Variants in FRMPD4 observed in about 807,000 individuals in gnomAD.
FRMPD4 encodes FERM and PDZ domain containing 4.
A neutral mutation model predicts 94.1 loss-of-function variants in FRMPD4; 22 were observed. That is an observed-to-expected ratio of 0.23 (90% CI 0.17 to 0.33). The LOEUF is 0.33. Ranked by LOEUF, FRMPD4 falls within the 10% of genes least tolerant of loss-of-function variation. The probability of loss-of-function intolerance (pLI) is 1.00; values close to 1 mark genes in which losing one functional copy is unlikely to be tolerated. For synonymous variants in FRMPD4, 631 were observed against 548.6 expected (o/e 1.15, Z -2.10); for missense variants, 1,111 against 1,339.9 (o/e 0.83, Z 2.67).
chrX:11,985,661 A>G (rs186861301), intron 3 of FRMPD4, among the ~76,000 whole-genome samples: 149 of 112,193 alleles, frequency 1.3e-3, no homozygotes, highest in African/African-American at 4.7e-3. Context: ...AAAGGATCCC[A>G]CTGCCCTGAA....
At chrX:12,530,539 C>T (rs1215710856) in intron 2 of FRMPD4, among the ~76,000 whole-genome samples, 1 of 110,553 alleles carries the variant, frequency 9.0e-6, no homozygotes, top group Non-Finnish European at 1.9e-5. Flanking sequence ...GATAATATTT[C>T]AAGGAGAATT....
intron 1 of FRMPD4, among the ~76,000 whole-genome samples, chrX:12,497,091 G>T (rs1407177034): frequency 3.6e-5 from 4 of 111,366 alleles, no homozygotes; most frequent in South Asian, 3.9e-4. Flanking sequence ...GAAAAGGAAA[G>T]GAAAGGAAGA....
chrX:12,527,012 C>T (rs1181201947), intron 2 of FRMPD4, among the ~76,000 whole-genome samples: 2 of 111,688 alleles, frequency 1.8e-5, no homozygotes, highest in East Asian at 5.6e-4. Flanking sequence ...TACAGTCTGT[C>T]TTCATCTGCT....
intron 1 of FRMPD4, among the ~76,000 whole-genome samples, chrX:12,385,575 C>T (rs762720716): frequency 3.6e-5 from 4 of 112,147 alleles, no homozygotes; most frequent in Non-Finnish European, 7.5e-5. Context: ...AAATCATTCC[C>T]GAGTGGAAAC....
intron 2 of FRMPD4, among the ~76,000 whole-genome samples, chrX:12,520,129 A>G (rs2058145657): frequency 8.9e-6 from 1 of 112,445 alleles, no homozygotes; most frequent in Non-Finnish European, 1.9e-5. Context: ...ACAATAGCCA[A>G]GAGGTAGAAG....
chrX:12,006,756 A>G (rs908861636), intron 3 of FRMPD4, among the ~76,000 whole-genome samples: 5 of 111,929 alleles, frequency 4.5e-5, no homozygotes, highest in African/African-American at 6.5e-5. Flanking sequence ...AGATTTTCGT[A>G]AAAGGATATA....
intron 1 of FRMPD4, among the ~76,000 whole-genome samples, chrX:12,468,429 G>C (rs1439645943): frequency 1.8e-5 from 2 of 111,731 alleles, no homozygotes; most frequent in African/African-American, 6.5e-5. Context: ...AGGAACATGT[G>C]AGGAGGTGTC....
At chrX:12,481,817 C>T (rs2057684822) in intron 1 of FRMPD4, among the ~76,000 whole-genome samples, 1 of 104,837 alleles carries the variant, frequency 9.5e-6, no homozygotes, top group East Asian at 3.0e-4. Flanking sequence ...TGGCGTACAC[C>T]TGTAGTCCCA....
chrX:12,029,518 GTTGTA>G (rs1198764533), intron 3 of FRMPD4, among the ~76,000 whole-genome samples: 1 of 111,573 alleles, frequency 9.0e-6, no homozygotes, highest in Non-Finnish European at 1.9e-5. Context: ...TGCCTTTAGT[GTTGTA>G]TCTAAGAAGT....
At chrX:12,275,998 T>A (rs1048383797) in intron 1 of FRMPD4, among the ~76,000 whole-genome samples, 6 of 111,775 alleles carry the variant, frequency 5.4e-5, no homozygotes. Flanking sequence ...TCAGGATCCA[T>A]GTCTTGTCCT....
chrX:12,349,291 C>A (rs954276854), intron 1 of FRMPD4, among the ~76,000 whole-genome samples: 1 of 110,727 alleles, frequency 9.0e-6, no homozygotes, highest in Non-Finnish European at 1.9e-5. Context: ...AGATCTCCCC[C>A]ACAAACCATA....
chrX:12,193,215 T>A (rs2056511283), intron 1 of FRMPD4, among the ~76,000 whole-genome samples: 1 of 111,414 alleles, frequency 9.0e-6, no homozygotes, highest in Non-Finnish European at 1.9e-5. Context: ...GATGGCTTTC[T>A]AAATTGTGCT....
chrX:11,995,945 C>A (rs1184447652), intron 3 of FRMPD4, among the ~76,000 whole-genome samples: 2 of 111,866 alleles, frequency 1.8e-5, no homozygotes, highest in African/African-American at 6.5e-5. Context: ...GGTCTTCAAG[C>A]AAATTTCACA....
intron 14 of FRMPD4, among the ~76,000 whole-genome samples, chrX:12,712,595 GGAGA>G (rs1004655548): frequency 3.5e-4 from 39 of 111,215 alleles, no homozygotes; most frequent in African/African-American, 1.2e-3. Context: ...AACACAGAAA[GGAGA>G]GAAAGACAGA....
intron 2 of FRMPD4, among the ~76,000 whole-genome samples, chrX:12,577,688 G>C (rs1291189401): frequency 8.9e-6 from 1 of 111,786 alleles, no homozygotes; most frequent in Admixed American, 9.5e-5. Flanking sequence ...GGCAGGGCTT[G>C]AAAGCTGGGG....
rs199953238 is a variant in FRMPD4, at chrX:12,382,526, C to A, written c.42-116154C>A. 3.7e-5 allele frequency among the ~76,000 whole-genome samples: 2 copies of A among 54,784 alleles called. 1 individual carries two copies. Among genetic ancestry groups the A allele is most frequent in the African/African-American group, 1.5e-4 (2 of 13,281 alleles). The allele number at this position is 54,784 out of a possible 115,157, so 47.6% of individuals were successfully genotyped here. ...CATAGCATAGCATAGCATAGCATAG[C>A]ATAGAGCATAGCATAGCATAGCATA... On this transcript the variant is annotated intron_variant, in intron 1 of 16. Coordinates refer to ENST00000675598, the MANE Select transcript of FRMPD4 (RefSeq NM_001368397.1).
At chrX:12,379,864 T>C (rs2056296281) in intron 1 of FRMPD4, among the ~76,000 whole-genome samples, 1 of 111,455 alleles carries the variant, frequency 9.0e-6, no homozygotes, top group African/African-American at 3.3e-5. Flanking sequence ...ATGCTGGTGA[T>C]TACTCAAGGA....
chrX:12,595,728 A>T (rs1326291746), intron 2 of FRMPD4, among the ~76,000 whole-genome samples: 1 of 112,163 alleles, frequency 8.9e-6, no homozygotes, highest in African/African-American at 3.2e-5. Context: ...CTTGGTTTGA[A>T]CTCTAAATGT....
chrX:12,524,248 G>A (rs1569314632), intron 2 of FRMPD4, among the ~76,000 whole-genome samples: 1 of 112,213 alleles, frequency 8.9e-6, no homozygotes, highest in African/African-American at 3.2e-5. Flanking sequence ...TTCCTTATTA[G>A]GCTGACTCAG....
Sources: allele counts gnomAD v4.1 joint callset (sites outside exome capture counted in the v4.1 genomes callset), GRCh38; gene constraint gnomAD v4.1.1; transcripts MANE v1.5; gene names NCBI Gene and HGNC (gene_info 2026-07-23, HGNC 2026-07-21).